The following DNAAF9 variants were observed in gnomAD, a reference collection of about 807,000 sequenced individuals.
DNAAF9 encodes the protein shulin.
In DNAAF9, 90 loss-of-function variants were observed where a neutral mutation model predicts 167.0. The observed-to-expected ratio is 0.54, with a 90% CI of 0.45 to 0.64. The LOEUF is 0.64. DNAAF9 is among the 30% of genes least tolerant of loss of function. The pLI is 0.00. For missense variants in DNAAF9, 1,315 were observed against 1,442.2 expected (o/e 0.91, Z 1.43); for synonymous variants, 491 against 508.8 (o/e 0.96, Z 0.47).
At chr20:3,285,570 T>G (rs776564052) in intron 27 of DNAAF9, among the ~76,000 whole-genome samples, 1 of 151,734 alleles carries the variant, frequency 6.6e-6, no homozygotes, top group East Asian at 1.9e-4. Flanking sequence ...TCCCAGCTAC[T>G]TGGGAGGCTG....
At chr20:3,324,063 C>A (rs1233038498) in intron 14 of DNAAF9, among the ~76,000 whole-genome samples, 3 of 152,164 alleles carry the variant, frequency 2.0e-5, no homozygotes, top group Admixed American at 6.5e-5. Flanking sequence ...ATCCAGAAGA[C>A]CCAGGGGAAA....
chr20:3,313,273 G>A (rs1243681930), intron 20 of DNAAF9, among the ~76,000 whole-genome samples: 1 of 152,228 alleles, frequency 6.6e-6, no homozygotes, highest in Non-Finnish European at 1.5e-5. Flanking sequence ...AGGATCTGGA[G>A]AGGCAGAAGT....
At chr20:3,254,342 G>A (rs1273551379) in intron 35 of DNAAF9, among the ~76,000 whole-genome samples, 1 of 152,118 alleles carries the variant, frequency 6.6e-6, no homozygotes, top group African/African-American at 2.4e-5. Context: ...GCCTCCCAAA[G>A]TGCTGGGATT....
intron 1 of DNAAF9, among the ~76,000 whole-genome samples, chr20:3,393,503 T>C (rs953135654): frequency 6.6e-6 from 1 of 152,106 alleles, no homozygotes; most frequent in Non-Finnish European, 1.5e-5. Flanking sequence ...CAGAATGACA[T>C]CTTGTGTCAA....
At chr20:3,342,737 G>A (rs6084341) in intron 9 of DNAAF9, among the ~76,000 whole-genome samples, 1,957 of 152,180 alleles carry the variant, frequency 0.013, 17 homozygotes, top group Middle Eastern at 0.027. Context: ...AGGGTACTTT[G>A]TTTCACTATT....
intron 4 of DNAAF9, 148 bp from the exon 5 acceptor site, chr20:3,375,274 T>C: frequency 1.7e-6 from 1 of 595,568 alleles, no homozygotes; most frequent in Non-Finnish European, 3.0e-6. Context: ...CCAACCTTTT[T>C]CATTTGCTAG....
At chr20:3,374,288 A>C in intron 5 of DNAAF9, 134 bp from the exon 6 acceptor site, 1 of 500,552 alleles carries the variant, frequency 2.0e-6, no homozygotes, top group Non-Finnish European at 3.6e-6. Context: ...ATAAAATACA[A>C]ACAGATAAAA....
At chr20:3,373,798 C>G (rs1200068348) in intron 6 of DNAAF9, among the ~76,000 whole-genome samples, 1 of 152,146 alleles carries the variant, frequency 6.6e-6, no homozygotes, top group Non-Finnish European at 1.5e-5. Context: ...ACAGGAAGAA[C>G]AGTCAGCTGA....
At position 3,293,292 on chromosome 20, in the gene DNAAF9, C is replaced by CAAAAAAAAA. The variant is rs1172725572; in HGVS notation, c.2238+838_2238+846dup. Among the ~76,000 whole-genome samples the CAAAAAAAAA allele has an allele frequency of 6.6e-4, 15 of 22,872 alleles. 5 individuals carry two copies. The highest frequency in any genetic ancestry group is 1.5e-3 in the Admixed American group (2 of 1,348). The allele number at this position is 22,872 out of a possible 152,430, so 15.0% of individuals were successfully genotyped here. On this transcript the variant is annotated intron_variant, in intron 25 of 36. Transcript: ENST00000252032. ...TGGGCAACAGAGGGAGACTCCGTCT[C>CAAAAAAAAA]AAAAAAAAAAAAAAAAAAAAAAAAA... is the stretch of plus-strand genomic sequence containing the variant.
intron 6 of DNAAF9, chr20:3,362,049 C>A (rs943891498): frequency 1.4e-6 from 2 of 1,443,374 alleles, no homozygotes; most frequent in Non-Finnish European, 1.9e-6. Flanking sequence ...ACTATTAACT[C>A]CATTCATATT....
At chr20:3,400,959 A>G (rs2083974679) in intron 1 of DNAAF9, among the ~76,000 whole-genome samples, 1 of 152,198 alleles carries the variant, frequency 6.6e-6, no homozygotes, top group African/African-American at 2.4e-5. Flanking sequence ...CCTGGCCAGC[A>G]TCCAAGTAAA....
At chr20:3,284,532 A>ACT (rs200475046) in intron 27 of DNAAF9, among the ~76,000 whole-genome samples, 31,255 of 152,050 alleles carry the variant, frequency 0.21, 3,509 homozygotes, top group African/African-American at 0.28. Context: ...TGTATGACGA[A>ACT]GGCAAAAAAC....
At chr20:3,254,743 G>A (rs1037172025) in intron 35 of DNAAF9, among the ~76,000 whole-genome samples, 44 of 152,318 alleles carry the variant, frequency 2.9e-4, no homozygotes, top group Non-Finnish European at 5.4e-4. Flanking sequence ...AAAGGCCCCA[G>A]TGAGCATGGC....
At position 3,322,649 on chromosome 20, in the gene DNAAF9, C is replaced by T; in HGVS notation, c.1310+3G>A. Reference sequence around the variant, plus strand: ...TAAGGATGCACCACAATCATATACGCACCTTCCCTGATTATTCACAGCATG... The same window carrying T: ...TAAGGATGCACCACAATCATATACGTACCTTCCCTGATTATTCACAGCATG... On this transcript the variant is annotated splice_donor_region_variant and intron_variant, in intron 15 of 36. Transcript: ENST00000252032. 6.2e-7 allele frequency: 1 copy of T among 1,608,580 alleles called. No homozygotes were observed.
intron 21 of DNAAF9, among the ~76,000 whole-genome samples, chr20:3,302,229 G>A (rs1413768007): frequency 1.3e-5 from 2 of 152,044 alleles, no homozygotes; most frequent in Non-Finnish European, 2.9e-5. Flanking sequence ...ATGAGCCACT[G>A]TGCCTAGCCA....
intron 21 of DNAAF9, among the ~76,000 whole-genome samples, chr20:3,299,550 G>A (rs2069146310): frequency 2.0e-5 from 3 of 152,088 alleles, no homozygotes; most frequent in Admixed American, 2.0e-4. Context: ...AGCCTCAAGT[G>A]ATCTGCCCTC....
At chr20:3,381,349 A>T in intron 3 of DNAAF9, 30 bp downstream of exon 3, 1 of 1,563,942 alleles carries the variant, frequency 6.4e-7, no homozygotes, top group Non-Finnish European at 8.7e-7. Flanking sequence ...TTACTCTTCT[A>T]TCACACAGAG....
chr20:3,377,307 C>T (rs1253415757), intron 3 of DNAAF9, among the ~76,000 whole-genome samples: 1 of 152,152 alleles, frequency 6.6e-6, no homozygotes, highest in Non-Finnish European at 1.5e-5. Context: ...ATGTAGATTT[C>T]TCTGACAAGA....
intron 1 of DNAAF9, among the ~76,000 whole-genome samples, chr20:3,395,994 C>T (rs1339824044): frequency 1.3e-5 from 2 of 152,080 alleles, no homozygotes; most frequent in Non-Finnish European, 2.9e-5. Flanking sequence ...CCCATGACAG[C>T]GAATAAGTCC....
Sources: gnomAD v4.1 joint callset for allele counts (sites outside exome capture counted in the v4.1 genomes callset) on GRCh38, gnomAD v4.1.1 for gene constraint, MANE v1.5 for transcripts, NCBI Gene and HGNC (gene_info 2026-07-23, HGNC 2026-07-21) for gene names.